NEBL: variants seen among roughly 807,000 people sequenced by gnomAD.
NEBL encodes the protein nebulette.
In NEBL, 122 loss-of-function variants were observed where a neutral mutation model predicts 140.2. The observed-to-expected ratio is 0.87, with a 90% CI of 0.75 to 1.01. The LOEUF (loss-of-function observed/expected upper bound fraction) is 1.01. NEBL is among the 50% of genes least tolerant of loss of function. The pLI, the probability that NEBL is intolerant of heterozygous loss-of-function variation, is 0.00. For synonymous variants in NEBL, 436 were observed against 398.9 expected, an observed-to-expected ratio of 1.09 and a Z score of -1.11; for missense variants, 1,365 against 1,231.3, an observed-to-expected ratio of 1.11 and a Z score of -1.62.
intron 1 of NEBL, among the ~76,000 whole-genome samples, chr10:21,286,993 A>AT (rs1331662844): frequency 1.3e-5 from 2 of 152,152 alleles, no homozygotes; most frequent in Non-Finnish European, 2.9e-5. Flanking sequence ...AGACCAGAGG[A>AT]TTATTCAAAA....
chr10:21,054,304 C>T (rs1564494416), intron 2 of NEBL, among the ~76,000 whole-genome samples: 1 of 151,980 alleles, frequency 6.6e-6, no homozygotes, highest in South Asian at 2.1e-4. Context: ...ACAAAAAGTG[C>T]CAGTTAAGGT....
At chr10:21,069,818 T>C (rs1835733503) in intron 2 of NEBL, 1 of 357,350 alleles carries the variant, frequency 2.8e-6, no homozygotes, top group Non-Finnish European at 5.6e-6. Flanking sequence ...CTGATCATTA[T>C]CTAACTGTAT....
At chr10:20,843,128 G>A (rs375708746) in intron 12 of NEBL, among the ~76,000 whole-genome samples, 18 of 152,008 alleles carry the variant, frequency 1.2e-4, no homozygotes, top group African/African-American at 4.1e-4. Flanking sequence ...TTGTGAGAGT[G>A]GGACTCCCTT....
chr10:20,934,976 G>A (rs561918686), intron 4 of NEBL, among the ~76,000 whole-genome samples: 3 of 152,200 alleles, frequency 2.0e-5, no homozygotes, highest in African/African-American at 7.2e-5. Context: ...CTGGCATGCT[G>A]TGCAATAGTG....
At chr10:20,819,546 AT>A (rs751207089) in intron 19 of NEBL, 30 bp from the exon 20 acceptor site, 6 of 1,612,916 alleles carry the variant, frequency 3.7e-6, no homozygotes, top group African/African-American at 1.3e-5. Context: ...ACAGTTTGAG[AT>A]TATGGGAAAT....
chr10:20,902,113 T>C (rs569885488), upstream of NEBL, among the ~76,000 whole-genome samples: 1 of 152,138 alleles, frequency 6.6e-6, no homozygotes, highest in African/African-American at 2.4e-5. Flanking sequence ...TATTAAGATT[T>C]AATAAGGTGG....
rs998277413 is a variant in NEBL at position 20,949,094 on chromosome 10, A to G, written c.357+12578T>C. Among the ~76,000 whole-genome samples, 8 of 152,200 alleles carry G rather than the reference A, an allele frequency of 5.3e-5. 1 individual carries two copies. Among genetic ancestry groups the G allele is most frequent in the East Asian group, 1.9e-4 (1 of 5,194 alleles). Reference sequence around the variant, plus strand: ...CCCTGTCATGAAAAATTTAAAATTCAAAAGTATTGACTTCCTCTTTTCCTA... The same window carrying G: ...CCCTGTCATGAAAAATTTAAAATTCGAAAGTATTGACTTCCTCTTTTCCTA... On this transcript the variant is annotated intron_variant, in intron 4 of 6. Coordinates refer to the NEBL transcript ENST00000417816.
At chr10:20,980,849 A>G in intron 3 of NEBL, among the ~76,000 whole-genome samples, 1 of 152,342 alleles carries the variant, frequency 6.6e-6, no homozygotes, top group Middle Eastern at 3.4e-3. Flanking sequence ...TTTTAAGTTT[A>G]TTACTTCTTC....
At chr10:21,089,427 G>A (rs997361771) in intron 2 of NEBL, among the ~76,000 whole-genome samples, 1 of 152,188 alleles carries the variant, frequency 6.6e-6, no homozygotes, top group African/African-American at 2.4e-5. Flanking sequence ...CACGCAGCAT[G>A]GAGGATTTCC....
chr10:21,049,543 T>A (rs1205023896), intron 2 of NEBL, among the ~76,000 whole-genome samples: 1 of 152,224 alleles, frequency 6.6e-6, no homozygotes, highest in Non-Finnish European at 1.5e-5. Context: ...TTGCTTCTAC[T>A]ATTGTTCTCC....
At chr10:20,938,907 G>C (rs931337195) in intron 4 of NEBL, among the ~76,000 whole-genome samples, 2 of 152,112 alleles carry the variant, frequency 1.3e-5, no homozygotes, top group Admixed American at 1.3e-4. Flanking sequence ...AAAAAGAAAT[G>C]AACAAAACCT....
chr10:20,879,425 GCCTCTT>G (rs1446120400), intron 5 of NEBL, among the ~76,000 whole-genome samples: 1 of 152,192 alleles, frequency 6.6e-6, no homozygotes, highest in African/African-American at 2.4e-5. Flanking sequence ...CAGACATGTA[GCCTCTT>G]CATCTCCTAG....
chr10:20,796,654 T>C (rs534503706), intron 26 of NEBL, among the ~76,000 whole-genome samples: 171 of 152,322 alleles, frequency 1.1e-3, no homozygotes, highest in African/African-American at 3.9e-3. Context: ...TCTGCTATTT[T>C]ACTTCAGAAT....
At chr10:20,982,885 T>G (rs1306268637) in intron 3 of NEBL, among the ~76,000 whole-genome samples, 2 of 152,226 alleles carry the variant, frequency 1.3e-5, no homozygotes, top group East Asian at 3.8e-4. Flanking sequence ...TACATGGGTT[T>G]GAGAAGCTTG....
At chr10:20,933,897 A>C (rs903044812) in intron 4 of NEBL, among the ~76,000 whole-genome samples, 16 of 152,194 alleles carry the variant, frequency 1.1e-4, no homozygotes, top group Non-Finnish European at 2.9e-5. Flanking sequence ...TTAAGAAGCC[A>C]TTTCCTTATC....
intron 2 of NEBL, among the ~76,000 whole-genome samples, chr10:21,098,984 A>T (rs1837341455): frequency 6.6e-6 from 1 of 152,086 alleles, no homozygotes; most frequent in South Asian, 2.1e-4. Flanking sequence ...CAAAAAAAAA[A>T]TAGCTGGACA....
Position 21,225,842 on chromosome 10 carries a change from T to C in NEBL, n.348+22079A>G, listed in dbSNP as rs143934371. On this transcript the variant is annotated intron_variant and non_coding_transcript_variant, in intron 3 of 8. Transcript: ENST00000675702. ...GCTAGCCAAGAGCCAAGCCCTGGAA[T>C]TGGGGCCTCCAGGAGCCCACTTAGT... Among the ~76,000 whole-genome samples the C allele has an allele frequency of 2.0e-4, 30 of 152,148 alleles. 1 individual carries two copies. Among genetic ancestry groups the C allele is most frequent in the South Asian group, 1.9e-3 (9 of 4,824 alleles).
chr10:20,880,507 A>G (rs145830933), intron 5 of NEBL, among the ~76,000 whole-genome samples: 103 of 152,358 alleles, frequency 6.8e-4, no homozygotes, highest in African/African-American at 2.4e-3. Flanking sequence ...CATCAAGTCA[A>G]GGAAGCTCTG....
At chr10:21,214,465 G>A (rs1379522710) in intron 3 of NEBL, among the ~76,000 whole-genome samples, 1 of 150,886 alleles carries the variant, frequency 6.6e-6, no homozygotes, top group Admixed American at 6.6e-5. Flanking sequence ...CACACACATG[G>A]CACACACATG....
Sources: allele counts gnomAD v4.1 joint callset (sites outside exome capture counted in the v4.1 genomes callset), GRCh38; gene constraint gnomAD v4.1.1; transcripts MANE v1.5; gene names NCBI Gene and HGNC (gene_info 2026-07-23, HGNC 2026-07-21).